The following RNF180 variants were observed in gnomAD, a reference collection of about 807,000 sequenced individuals.
The protein encoded by RNF180 is E3 ubiquitin-protein ligase RNF180.
Under a neutral mutation model 59.2 loss-of-function variants are expected in RNF180, and 38 were observed. That is an observed-to-expected ratio of 0.64 (90% CI 0.50 to 0.84). RNF180 has a LOEUF of 0.84. RNF180 is among the 40% of genes least tolerant of loss of function. The pLI is 0.00. For missense variants in RNF180, 705 were observed against 700.9 expected, an observed-to-expected ratio of 1.01 and a Z score of -0.07; for synonymous variants, 262 against 240.3, an observed-to-expected ratio of 1.09 and a Z score of -0.84.
intron 5 of RNF180, among the ~76,000 whole-genome samples, chr5:64,246,640 G>A (rs1023471254): frequency 3.9e-5 from 6 of 152,064 alleles, no homozygotes; most frequent in Non-Finnish European, 7.4e-5. Context: ...ACCAAAAAAA[G>A]CCCAGGACCA....
intron 5 of RNF180, among the ~76,000 whole-genome samples, chr5:64,252,130 A>T (rs1485269818): frequency 6.6e-6 from 1 of 152,216 alleles, no homozygotes; most frequent in Non-Finnish European, 1.5e-5. Context: ...TTCAAAATAT[A>T]CTACAGATCT....
chr5:64,242,850 C>T (rs1023355704), intron 5 of RNF180, among the ~76,000 whole-genome samples: 3 of 152,188 alleles, frequency 2.0e-5, no homozygotes, highest in African/African-American at 7.2e-5. Flanking sequence ...AAGATGAACA[C>T]AGAAGGTGGG....
chr5:64,286,585 T>C (rs2112408531), intron 5 of RNF180, among the ~76,000 whole-genome samples: 1 of 152,340 alleles, frequency 6.6e-6, no homozygotes, highest in East Asian at 1.9e-4. Flanking sequence ...AGTTGACTCT[T>C]TATCACTTTT....
intron 5 of RNF180, among the ~76,000 whole-genome samples, chr5:64,253,249 T>G (rs149592226): frequency 9.2e-5 from 14 of 152,188 alleles, no homozygotes; most frequent in Admixed American, 3.3e-4. Flanking sequence ...ATTCTATGAG[T>G]TTTTCTTAAT....
intron 5 of RNF180, among the ~76,000 whole-genome samples, chr5:64,320,179 AT>A (rs1430068066): frequency 8.5e-5 from 13 of 152,324 alleles, no homozygotes; most frequent in Admixed American, 8.5e-4. Flanking sequence ...GAACATTATA[AT>A]TGTTACTAGA....
intron 7 of RNF180, among the ~76,000 whole-genome samples, chr5:64,333,939 G>T (rs1745019749): frequency 6.6e-6 from 1 of 152,112 alleles, no homozygotes; most frequent in Non-Finnish European, 1.5e-5. Context: ...AAAAATGAAG[G>T]AGTTAAGCCT....
intron 1 of RNF180, among the ~76,000 whole-genome samples, chr5:64,171,593 T>G (rs76990056): frequency 0.033 from 5,072 of 152,296 alleles, 118 homozygotes; most frequent in Non-Finnish European, 0.055. Flanking sequence ...TTTGCCAGCT[T>G]AAATATTGAT....
intron 5 of RNF180, among the ~76,000 whole-genome samples, chr5:64,294,512 T>A (rs1023754460): frequency 1.3e-5 from 2 of 152,346 alleles, no homozygotes; most frequent in South Asian, 4.1e-4. Context: ...ATGTATTACT[T>A]TTTTTGTAAA....
At chr5:64,306,002 A>G (rs1298650953) in intron 5 of RNF180, among the ~76,000 whole-genome samples, 1 of 151,688 alleles carries the variant, frequency 6.6e-6, no homozygotes, top group Non-Finnish European at 1.5e-5. Context: ...CTAGCTTGAT[A>G]TCAATGGAGT....
chr5:64,363,675 G>C (rs1312028721), intron 7 of RNF180, among the ~76,000 whole-genome samples: 1 of 151,810 alleles, frequency 6.6e-6, no homozygotes, highest in Non-Finnish European at 1.5e-5. Context: ...CATTGCTTTG[G>C]ACAGTATGGC....
At chr5:64,246,409 T>TA (rs1215539689) in intron 5 of RNF180, among the ~76,000 whole-genome samples, 1 of 151,954 alleles carries the variant, frequency 6.6e-6, no homozygotes, top group Non-Finnish European at 1.5e-5. Context: ...ATAGACACTA[T>TA]AAAAAATGAT....
intron 4 of RNF180, 89 bp from the exon 5 acceptor site, chr5:64,217,271 GA>G: frequency 7.8e-7 from 1 of 1,289,040 alleles, no homozygotes; most frequent in East Asian, 2.9e-5. Context: ...AGGACAAGTG[GA>G]TTGTTTTAGG....
intron 1 of RNF180, among the ~76,000 whole-genome samples, chr5:64,194,179 G>A (rs10461492): frequency 7.3e-4 from 111 of 151,908 alleles, no homozygotes; most frequent in Non-Finnish European, 1.2e-3. Flanking sequence ...AACAGTCCCC[G>A]GTGTGTGATG....
At chr5:64,361,165 G>C (rs78808121) in intron 7 of RNF180, among the ~76,000 whole-genome samples, 2 of 151,020 alleles carry the variant, frequency 1.3e-5, no homozygotes, top group Non-Finnish European at 3.0e-5. Flanking sequence ...ACACAAACCA[G>C]GTAAAAGTGT....
intron 1 of RNF180, among the ~76,000 whole-genome samples, chr5:64,173,955 C>T (rs1008746926): frequency 1.3e-5 from 2 of 152,126 alleles, no homozygotes; most frequent in African/African-American, 4.8e-5. Flanking sequence ...ACCTCGTGAT[C>T]CACCTGCCTT....
chr5:64,203,602 T>A (rs1751862455), intron 2 of RNF180, among the ~76,000 whole-genome samples: 1 of 152,068 alleles, frequency 6.6e-6, no homozygotes, highest in Non-Finnish European at 1.5e-5. Context: ...AAAAATATAT[T>A]CATTTATATA....
intron 1 of RNF180, among the ~76,000 whole-genome samples, chr5:64,176,912 G>A (rs1286651474): frequency 2.0e-5 from 3 of 152,092 alleles, no homozygotes; most frequent in Non-Finnish European, 4.4e-5. Flanking sequence ...ACATATTTTG[G>A]GCAGCAAGGA....
At chr5:64,319,455 GAGAA>G (rs1000098223) in intron 5 of RNF180, among the ~76,000 whole-genome samples, 2 of 152,120 alleles carry the variant, frequency 1.3e-5, no homozygotes, top group African/African-American at 4.8e-5. Flanking sequence ...TAATATGAAT[GAGAA>G]AGAGAATATG....
intron 5 of RNF180, among the ~76,000 whole-genome samples, chr5:64,226,675 A>G (rs531789177): frequency 5.3e-5 from 8 of 152,330 alleles, no homozygotes; most frequent in East Asian, 1.9e-4. Context: ...TAAAAAAAAA[A>G]AAAGAAAAAA....
Sources: gnomAD v4.1 joint callset for allele counts (sites outside exome capture counted in the v4.1 genomes callset) on GRCh38, gnomAD v4.1.1 for gene constraint, MANE v1.5 for transcripts, NCBI Gene and HGNC (gene_info 2026-07-23, HGNC 2026-07-21) for gene names.